Variants in CHIT1 observed in about 807,000 individuals in gnomAD.
The protein encoded by CHIT1 is chitinase 1.
In CHIT1, 47 loss-of-function variants were observed where a neutral mutation model predicts 52.0. That is an observed-to-expected ratio of 0.90 (90% confidence interval 0.71 to 1.15). The LOEUF (loss-of-function observed/expected upper bound fraction) is 1.15. Ranked by LOEUF, CHIT1 falls within the 50% of genes most tolerant of loss-of-function variation. The pLI, the probability that CHIT1 is intolerant of heterozygous loss-of-function variation, is 0.00. For missense variants in CHIT1, 569 were observed against 583.0 expected (o/e 0.98, Z 0.25); for synonymous variants, 242 against 228.2 (o/e 1.06, Z -0.54).
intron 7 of CHIT1, 58 bp from the exon 8 acceptor site, chr1:203,219,907 A>G: frequency 6.3e-7 from 1 of 1,593,506 alleles, no homozygotes; most frequent in Non-Finnish European, 8.6e-7. Context: ...TGATTATCTA[A>G]GTCTGGGGGA....
chr1:203,223,573 G>A lies in CHIT1; in HGVS notation c.402C>T (p.Gly134=). 1 of 1,614,186 alleles carries A rather than the reference G, an allele frequency of 6.2e-7. No homozygotes were observed. The highest frequency in any genetic ancestry group is 1.1e-5 in the South Asian group (1 of 91,084). The stretch of plus-strand genomic sequence containing the variant: ...CTGGGTACTCCCAGTCAAGGTCAAG[G>A]CCGTCAAAGCTGTATTTGCGCAGAA... The part of the protein sequence containing the change: ...IRFLRKYSFD[G]LDLDWEYPGS... The change falls in exon 5 of 11, where the codon GGC becomes GGT. Residue 134 remains glycine (G), a synonymous_variant. Transcript: ENST00000367229.
intron 4 of CHIT1, among the ~76,000 whole-genome samples, chr1:203,224,595 A>G (rs1020270386): frequency 2.0e-5 from 3 of 152,170 alleles, no homozygotes; most frequent in African/African-American, 7.2e-5. Flanking sequence ...AATGTCCCCC[A>G]AATGCCAATA....
chr1:203,224,942 G>A (rs1656869114), intron 4 of CHIT1, 106 bp downstream of exon 4: 3 of 1,056,948 alleles, frequency 2.8e-6, no homozygotes, highest in African/African-American at 3.1e-5. Flanking sequence ...CCTTTCCCCT[G>A]ACCACACCTC....
At chr1:203,219,902 A>G (rs1054928865) in intron 7 of CHIT1, 53 bp from the exon 8 acceptor site, 1 of 1,599,504 alleles carries the variant, frequency 6.3e-7, no homozygotes, top group Non-Finnish European at 8.5e-7. Flanking sequence ...GGTTCTGATT[A>G]TCTAAGTCTG....
intron 7 of CHIT1, among the ~76,000 whole-genome samples, chr1:203,220,272 A>G (rs775322301): frequency 1.3e-5 from 2 of 152,216 alleles, no homozygotes; most frequent in Admixed American, 1.3e-4. Context: ...CTCTTAGGGC[A>G]TTGTGAGAAT....
chr1:203,227,707 A>T (rs527495219), intron 2 of CHIT1, among the ~76,000 whole-genome samples: 6 of 152,372 alleles, frequency 3.9e-5, no homozygotes, highest in African/African-American at 1.2e-4. Context: ...CTTAGTCCAC[A>T]CAAAGTCCTA....
intron 4 of CHIT1, among the ~76,000 whole-genome samples, chr1:203,224,608 C>T (rs2486069): frequency 0.52 from 79,473 of 151,978 alleles, 21,436 homozygotes; most frequent in East Asian, 0.88. Context: ...TGCCAATACT[C>T]TGGCATCCAG....
chr1:203,219,609 C>A, intron 8 of CHIT1, 55 bp downstream of exon 8: 1 of 1,593,010 alleles, frequency 6.3e-7, no homozygotes, highest in Non-Finnish European at 8.6e-7. Flanking sequence ...AACCTCTGTT[C>A]TCTCAGGCAC....
chr1:203,219,886 C>T, intron 7 of CHIT1, 37 bp from the exon 8 acceptor site: 2 of 1,608,778 alleles, frequency 1.2e-6, no homozygotes, highest in East Asian at 2.2e-5. Context: ...TCTCAGCCCT[C>T]AGCCTGGTTC....
Position 203,223,629 on chromosome 1 carries a change from G to A in CHIT1, c.346C>T (p.Arg116Cys), listed in dbSNP as rs780332677. ...ATGGCCGAGTTGACAAAGGTCTGAC[G>A]GTTGTTGGCCGTGGCTACCATATCT... is the stretch of plus-strand genomic sequence containing the variant. ...FTDMVATANN[R>C]QTFVNSAIRF... The change falls in exon 5 of 11, where the codon CGT (arginine) becomes TGT (cysteine). Residue 116 changes from arginine (R) to cysteine (C), a missense_variant. By Grantham distance (180) the Arg-to-Cys change is radical. Coordinates refer to ENST00000367229, the MANE Select transcript of CHIT1 (RefSeq NM_003465.3). 3.2e-5 allele frequency: 51 copies of A among 1,614,104 alleles called. No individual in the cohort carries two copies. The highest frequency in any genetic ancestry group is 3.8e-5 in the Non-Finnish European group (45 of 1,180,052).
rs1199997631 is a variant in CHIT1 at position 203,217,731 on chromosome 1, T to C, written c.1156+8A>G. 6.2e-7 allele frequency: 1 copy of C among 1,613,144 alleles called. No homozygotes were observed. Among genetic ancestry groups the C allele is most frequent in the Non-Finnish European group, 8.5e-7 (1 of 1,179,766 alleles). On this transcript the variant is annotated splice_region_variant and intron_variant, in intron 10 of 10. Transcript: ENST00000367229. ...AATTCCACCACTGGCCCTGGGCCCC[T>C]TACTTACTCAGTTCCTGCCGTAGCG...
At chr1:203,223,750 A>T in intron 4 of CHIT1, 90 bp from the exon 5 acceptor site, 1 of 1,345,530 alleles carries the variant, frequency 7.4e-7, no homozygotes, top group Non-Finnish European at 1.1e-6. Context: ...CACTCAGGAC[A>T]GTGCGTCTCT....
intron 3 of CHIT1, 146 bp from the exon 4 acceptor site, chr1:203,225,250 G>A: frequency 1.3e-6 from 1 of 748,340 alleles, no homozygotes; most frequent in Non-Finnish European, 2.3e-6. Flanking sequence ...TCTGGGGACA[G>A]CTGTAGATTG....
Position 203,216,294 on chromosome 1 carries a change from C to A in CHIT1, c.*595G>T. On this transcript the variant is annotated 3_prime_UTR_variant, in exon 11 of 11. Transcript: ENST00000367229. ...CCAAACAGGATTTATCTCGAAGACC[C>A]CTGAGTACCAGGGGTCTGAATTCTT... is the stretch of plus-strand genomic sequence containing the variant. 2.2e-6 allele frequency: 1 copy of A among 454,062 alleles called. No individual in the cohort carries two copies. The allele number at this position is 454,062 out of a possible 1,614,324, so 28.1% of individuals were successfully genotyped here.
At chr1:203,226,757 T>C (rs954104565) in intron 2 of CHIT1, among the ~76,000 whole-genome samples, 1 of 150,550 alleles carries the variant, frequency 6.6e-6, no homozygotes, top group African/African-American at 2.4e-5. Context: ...TCGGTGGTGA[T>C]GACCCCCACT....
chr1:203,229,684 G>A (rs992432721), upstream of CHIT1: 5 of 1,611,610 alleles, frequency 3.1e-6, no homozygotes, highest in African/African-American at 2.7e-5. Context: ...AGCTTTCCAG[G>A]TCCTGCTCTG....
Position 203,218,198 on chromosome 1 carries a change from A to G in CHIT1, c.1030-333T>C. 3.7e-6 allele frequency: 4 copies of G among 1,078,058 alleles called. 1 individual carries two copies. The South Asian group carries it at 4.2e-5, about 11-fold the overall frequency. The allele number at this position is 1,078,058 out of a possible 1,614,324, so 66.8% of individuals were successfully genotyped here. Reference sequence around the variant, plus strand: ...ATGTGTGGGCTGAGCTGCTTTATTTAAGGGTATTGTATGCTGGTCAAGGTC... The same window carrying G: ...ATGTGTGGGCTGAGCTGCTTTATTTGAGGGTATTGTATGCTGGTCAAGGTC... On this transcript the variant is annotated intron_variant, in intron 9 of 10. Coordinates refer to ENST00000367229, the MANE Select transcript of CHIT1 (RefSeq NM_003465.3).
chr1:203,216,784 G>A lies in CHIT1; in HGVS notation c.*105C>T. On this transcript the variant is annotated 3_prime_UTR_variant, in exon 11 of 11. Coordinates refer to ENST00000367229, the MANE Select transcript of CHIT1 (RefSeq NM_003465.3). Reference sequence around the variant, plus strand: ...CCTGGATAAAGGAAGACCACAGAAAGGCCTGCAGGAGCCAGATTGCGGCCC... The same window carrying A: ...CCTGGATAAAGGAAGACCACAGAAAAGCCTGCAGGAGCCAGATTGCGGCCC... 6.8e-7 allele frequency: 1 copy of A among 1,468,690 alleles called. No homozygotes were observed. Among genetic ancestry groups the A allele is most frequent in the African/African-American group, 1.4e-5 (1 of 72,150 alleles). The allele number at this position is 1,468,690 out of a possible 1,614,324, so 91.0% of individuals were successfully genotyped here.
rs1236972850 is a variant in CHIT1, at chr1:203,225,067, A to G, written c.295T>C (p.Trp99Arg). The change falls in exon 4 of 11, where the codon TGG becomes CGG. Residue 99 changes from tryptophan (W) to arginine (R), a missense_variant. Transcript: ENST00000367229. ...ACTAACTTCTGAGTGCCGAAATTCC[A>G]GCCTCCGATGGCTAACAGGGTCTTC... Reference protein sequence around the residue: ...KLKTLLAIGGWNFGTQKFTDM... With the variant: ...KLKTLLAIGGRNFGTQKFTDM... 1 of 1,613,874 alleles carries G rather than the reference A, an allele frequency of 6.2e-7. No homozygotes were observed. Among genetic ancestry groups the G allele is most frequent in the African/African-American group, 1.3e-5 (1 of 74,980 alleles).
Sources: gnomAD v4.1 joint callset for allele counts (sites outside exome capture counted in the v4.1 genomes callset) on GRCh38, gnomAD v4.1.1 for gene constraint, MANE v1.5 for transcripts, NCBI Gene and HGNC (gene_info 2026-07-23, HGNC 2026-07-21) for gene names.